KRT8: variants seen among roughly 807,000 people sequenced by gnomAD.
The protein encoded by KRT8 is keratin 8, also known as keratin, type II cytoskeletal 8.
A neutral mutation model predicts 43.0 loss-of-function variants in KRT8; 24 were observed. The observed-to-expected ratio is 0.56, with a 90% CI of 0.40 to 0.78. The LOEUF is 0.78. KRT8 is among the 30% of genes least tolerant of loss of function. KRT8 has a pLI of 0.00. For synonymous variants in KRT8, 214 were observed against 261.2 expected (o/e 0.82, Z 1.74); for missense variants, 492 against 638.4 (o/e 0.77, Z 2.47).
chr12:52,938,153 TA>T lies in KRT8; in HGVS notation c.-47+11302del, dbSNP rs1565732871. On this transcript the variant is annotated intron_variant, in intron 2 of 6. Coordinates refer to the KRT8 transcript ENST00000546826. ...CTAGAAAGCTATATATATATATATA[TA>T]TATATATATATATATATTTTTTTTT... Among the ~76,000 whole-genome samples the T allele has an allele frequency of 8.5e-3, 395 of 46,538 alleles. 17 individuals are homozygous for T. Among genetic ancestry groups the T allele is most frequent in the African/African-American group, 0.03 (293 of 9,924 alleles). 30.5% of individuals were successfully genotyped at this position (46,538 alleles called of 152,430 possible). A position where few individuals can be genotyped will look rare whatever the true frequency, so the allele number is the denominator to read the frequency against.
chr12:52,899,085 C>A, intron 5 of KRT8, 186 bp from the exon 6 acceptor site: 2 of 622,282 alleles, frequency 3.2e-6, no homozygotes, highest in Non-Finnish European at 5.8e-6. Flanking sequence ...GAGGCCGAGG[C>A]GGGCAGATCA....
At chr12:52,927,277 C>T (rs1405241343) in intron 2 of KRT8, among the ~76,000 whole-genome samples, 1 of 152,156 alleles carries the variant, frequency 6.6e-6, no homozygotes, top group Non-Finnish European at 1.5e-5. Context: ...CCAACTCCAG[C>T]AGGAAATAGG....
chr12:52,911,758 C>G (rs1254107746), upstream of KRT8, among the ~76,000 whole-genome samples: 3 of 152,128 alleles, frequency 2.0e-5, no homozygotes, highest in African/African-American at 7.2e-5. Flanking sequence ...ATGGGCCGGG[C>G]GTGGTGGCTC....
At chr12:52,943,358 C>T (rs556921999) in intron 2 of KRT8, among the ~76,000 whole-genome samples, 1 of 152,176 alleles carries the variant, frequency 6.6e-6, no homozygotes, top group Non-Finnish European at 1.5e-5. Context: ...GTGCACCTGG[C>T]CCTGTGGGCC....
chr12:52,939,565 T>C (rs1268481606), intron 2 of KRT8, among the ~76,000 whole-genome samples: 2 of 148,824 alleles, frequency 1.3e-5, no homozygotes, highest in East Asian at 2.0e-4. Context: ...TACTAAAAAA[T>C]ACAAAAATTA....
At chr12:52,924,738 C>T (rs1001619890) in intron 2 of KRT8, among the ~76,000 whole-genome samples, 4 of 152,194 alleles carry the variant, frequency 2.6e-5, no homozygotes, top group African/African-American at 9.6e-5. Flanking sequence ...AAAGACCATG[C>T]ACTCTTCTCT....
At chr12:52,919,163 G>A (rs752571046) in intron 2 of KRT8, among the ~76,000 whole-genome samples, 7 of 152,294 alleles carry the variant, frequency 4.6e-5, no homozygotes, top group Non-Finnish European at 8.8e-5. Flanking sequence ...ACGCCCACTT[G>A]CTTTCCCCAA....
intron 2 of KRT8, among the ~76,000 whole-genome samples, chr12:52,946,344 C>A (rs1413441834): frequency 6.6e-6 from 1 of 152,164 alleles, no homozygotes; most frequent in Non-Finnish European, 1.5e-5. Flanking sequence ...CCTTTATCTG[C>A]CCTCCTGTAT....
intron 2 of KRT8, chr12:52,901,594 C>T (rs899547468): frequency 1.9e-5 from 11 of 576,470 alleles, no homozygotes; most frequent in Admixed American, 3.0e-5. Context: ...CTATCTCTCC[C>T]GTCTCAGGTT....
chr12:52,926,950 GAAT>G (rs1211117583), intron 2 of KRT8, among the ~76,000 whole-genome samples: 2 of 152,062 alleles, frequency 1.3e-5, no homozygotes, highest in African/African-American at 2.4e-5. Context: ...ATGAATGAAT[GAAT>G]GAATGAATGA....
intron 2 of KRT8, among the ~76,000 whole-genome samples, chr12:52,938,038 A>G (rs1262258887): frequency 4.7e-5 from 7 of 148,116 alleles, no homozygotes; most frequent in Non-Finnish European, 7.5e-5. Context: ...AAAGAGATAC[A>G]GATGGTAAAT....
intron 2 of KRT8, chr12:52,948,693 T>C (rs1425698974): frequency 8.0e-6 from 3 of 375,968 alleles, no homozygotes; most frequent in Non-Finnish European, 1.4e-5. Flanking sequence ...GGTTTCACCA[T>C]GTTGGCTAGG....
At chr12:52,898,468 G>C (rs772319554) in exon 7 of KRT8, 1 of 1,613,554 alleles carries the variant, frequency 6.2e-7, no homozygotes, top group South Asian at 1.1e-5. Flanking sequence ...CACCTGCATA[G>C]CCGCTGGTGG....
intron 2 of KRT8, among the ~76,000 whole-genome samples, chr12:52,916,662 T>G (rs1023892097): frequency 1.6e-4 from 25 of 152,216 alleles, no homozygotes; most frequent in African/African-American, 6.0e-4. Flanking sequence ...CAGTTTATAC[T>G]TGCCTCCTTA....
chr12:52,900,552 TG>T, intron 4 of KRT8, 35 bp downstream of exon 4: 1 of 1,390,702 alleles, frequency 7.2e-7, no homozygotes. Flanking sequence ...CTGACAAGGC[TG>T]GGGGACCCTC....
At chr12:52,906,750 TGAGGA>T, upstream of KRT8, 1 of 455,838 alleles carries the variant, frequency 2.2e-6, no homozygotes, top group South Asian at 1.5e-5. Context: ...CAGATCCCCT[TGAGGA>T]GAGGGACAGG....
chr12:52,943,616 T>C (rs1942300415), intron 2 of KRT8, among the ~76,000 whole-genome samples: 1 of 152,208 alleles, frequency 6.6e-6, no homozygotes. Context: ...GGTGGGCCCG[T>C]TGCACGTGGC....
At chr12:52,906,091 AAG>A (rs956708218), upstream of KRT8, among the ~76,000 whole-genome samples, 1 of 152,218 alleles carries the variant, frequency 6.6e-6, no homozygotes, top group Non-Finnish European at 1.5e-5. Flanking sequence ...AAAGAAAAAA[AAG>A]AGCGAGATCC....
intron 2 of KRT8, among the ~76,000 whole-genome samples, chr12:52,923,918 C>T (rs562718630): frequency 1.3e-5 from 2 of 150,790 alleles, no homozygotes; most frequent in South Asian, 4.2e-4. Context: ...GATCACTGCT[C>T]GCTGCAACCT....
Sources: gnomAD v4.1 joint callset for allele counts (sites outside exome capture counted in the v4.1 genomes callset) on GRCh38, gnomAD v4.1.1 for gene constraint, MANE v1.5 for transcripts, NCBI Gene and HGNC (gene_info 2026-07-23, HGNC 2026-07-21) for gene names.